CDH8: variants seen among roughly 807,000 people sequenced by gnomAD.
CDH8 encodes cadherin 8, also known as cadherin-8.
CDH8 carries 17 observed loss-of-function variants against 68.1 expected under a neutral mutation model. The ratio of observed to expected loss-of-function variants is 0.25; its 90% CI spans 0.17 to 0.37. The LOEUF (loss-of-function observed/expected upper bound fraction) is 0.37, where lower values mean the gene tolerates loss of function less well. CDH8 is among the 10% of genes least tolerant of loss of function. The pLI is 1.00. For missense variants in CDH8, 763 were observed against 999.3 expected, an observed-to-expected ratio of 0.76 and a Z score of 3.19; for synonymous variants, 372 against 365.1, an observed-to-expected ratio of 1.02 and a Z score of -0.21.
At chr16:61,897,064 C>A (rs940822134) in intron 3 of CDH8, among the ~76,000 whole-genome samples, 4 of 147,702 alleles carry the variant, frequency 2.7e-5, no homozygotes, top group Admixed American at 2.0e-4. Flanking sequence ...ACATATATAT[C>A]TTTATTATAT....
At chr16:61,877,305 T>TAA (rs112231131) in intron 3 of CDH8, among the ~76,000 whole-genome samples, 56 of 148,594 alleles carry the variant, frequency 3.8e-4, no homozygotes, top group African/African-American at 1.2e-3. Context: ...TGGAATTATT[T>TAA]AAAAAAAAAA....
At chr16:62,034,465 C>A (rs1205236335) in intron 1 of CDH8, among the ~76,000 whole-genome samples, 1 of 152,038 alleles carries the variant, frequency 6.6e-6, no homozygotes, top group East Asian at 1.9e-4. Context: ...GGTTTTTAAC[C>A]ATTGAGATGG....
chr16:61,813,712 C>G (rs1304517914), intron 7 of CDH8, among the ~76,000 whole-genome samples: 1 of 151,970 alleles, frequency 6.6e-6, no homozygotes, highest in Non-Finnish European at 1.5e-5. Context: ...AAATCCTGTC[C>G]TACTCACCTT....
At chr16:61,663,880 A>ATGTG (rs1567409558) in intron 10 of CDH8, among the ~76,000 whole-genome samples, 1 of 152,020 alleles carries the variant, frequency 6.6e-6, no homozygotes, top group Non-Finnish European at 1.5e-5. Context: ...ATGTGTGTGT[A>ATGTG]TGTGTGTCTT....
intron 2 of CDH8, among the ~76,000 whole-genome samples, chr16:61,953,926 T>TATATATATATATAA (rs1366207636): frequency 3.4e-5 from 4 of 118,978 alleles, no homozygotes; most frequent in African/African-American, 1.3e-4. Flanking sequence ...TATATATATA[T>TATATATATATATAA]AAAATACCTT....
intron 2 of CDH8, among the ~76,000 whole-genome samples, chr16:62,004,705 G>C (rs1253462096): frequency 6.6e-6 from 1 of 152,092 alleles, no homozygotes; most frequent in Non-Finnish European, 1.5e-5. Context: ...AGCATGGCTT[G>C]GGTAAAACAA....
intron 3 of CDH8, among the ~76,000 whole-genome samples, chr16:61,867,412 GAT>G (rs1195296810): frequency 6.6e-6 from 1 of 152,132 alleles, no homozygotes; most frequent in East Asian, 1.9e-4. Context: ...GCTACTAAAT[GAT>G]GTGATCAAAT....
intron 4 of CDH8, among the ~76,000 whole-genome samples, chr16:61,856,051 C>T (rs535069313): frequency 3.3e-5 from 5 of 152,054 alleles, no homozygotes; most frequent in South Asian, 2.1e-4. Flanking sequence ...CAGTATTAAA[C>T]GTATTAAGAT....
At chr16:61,976,432 C>A (rs1389934856) in intron 2 of CDH8, among the ~76,000 whole-genome samples, 1 of 152,144 alleles carries the variant, frequency 6.6e-6, no homozygotes, top group Admixed American at 6.5e-5. Flanking sequence ...CTTCTGATAT[C>A]TTGGCAAGCC....
intron 10 of CDH8, among the ~76,000 whole-genome samples, chr16:61,658,155 T>C (rs1963487579): frequency 1.3e-5 from 2 of 152,054 alleles, no homozygotes; most frequent in Non-Finnish European, 2.9e-5. Context: ...GTTCTTTCAT[T>C]AGGCTGAATG....
intron 10 of CDH8, among the ~76,000 whole-genome samples, chr16:61,689,043 G>A (rs1964164793): frequency 1.3e-5 from 2 of 151,948 alleles, no homozygotes; most frequent in Admixed American, 6.6e-5. Context: ...ACAGCCTAAA[G>A]TATAGAACCC....
chr16:61,820,575 A>C (rs1214688474), intron 6 of CDH8, among the ~76,000 whole-genome samples: 4 of 151,862 alleles, frequency 2.6e-5, no homozygotes, highest in Admixed American at 2.0e-4. Context: ...ACTGTCCACC[A>C]ATTTTTCTCC....
intron 2 of CDH8, among the ~76,000 whole-genome samples, chr16:61,960,575 C>T (rs1237267620): frequency 6.6e-6 from 1 of 152,112 alleles, no homozygotes; most frequent in Non-Finnish European, 1.5e-5. Context: ...AGCCCATAAG[C>T]TGGTGCCCAA....
intron 3 of CDH8, among the ~76,000 whole-genome samples, chr16:61,868,426 T>G (rs1963295387): frequency 6.6e-6 from 1 of 152,178 alleles, no homozygotes; most frequent in African/African-American, 2.4e-5. Flanking sequence ...ATGTCTACTG[T>G]TTTGTCTTCT....
intron 2 of CDH8, among the ~76,000 whole-genome samples, chr16:62,004,492 A>G (rs561483684): frequency 4.6e-5 from 7 of 152,340 alleles, no homozygotes; most frequent in East Asian, 1.9e-4. Context: ...TCTTCATTTC[A>G]GGCAATAAAG....
intron 10 of CDH8, among the ~76,000 whole-genome samples, chr16:61,667,910 T>TAAA (rs1465538867): frequency 1.3e-5 from 2 of 152,052 alleles, no homozygotes; most frequent in Non-Finnish European, 2.9e-5. Flanking sequence ...GTGTATTTTC[T>TAAA]ACACTCTGCC....
Position 61,653,016 on chromosome 16 carries a change from G to A in CDH8, c.*592C>T. 1.4e-6 allele frequency: 2 copies of A among 1,441,442 alleles called. No homozygotes were observed. The highest frequency in any genetic ancestry group is 1.8e-4 in the Middle Eastern group (1 of 5,560). 89.3% of individuals were successfully genotyped at this position (1,441,442 alleles called of 1,614,324 possible). On this transcript the variant is annotated 3_prime_UTR_variant, in exon 12 of 12. Coordinates refer to ENST00000577390, the MANE Select transcript of CDH8 (RefSeq NM_001796.5). Reference sequence around the variant, plus strand: ...TTTAAGGCTCGACACAATATTTAAAGATGCTATTCAGTCTCTAGTGAGTGG... The same window carrying A: ...TTTAAGGCTCGACACAATATTTAAAAATGCTATTCAGTCTCTAGTGAGTGG...
At chr16:61,874,335 G>A (rs555191691) in intron 3 of CDH8, among the ~76,000 whole-genome samples, 33 of 151,694 alleles carry the variant, frequency 2.2e-4, no homozygotes, top group African/African-American at 4.3e-4. Context: ...TCTTTTTTTC[G>A]TTTTTTTGTT....
At chr16:61,875,703 G>A (rs1004843213) in intron 3 of CDH8, among the ~76,000 whole-genome samples, 4 of 152,094 alleles carry the variant, frequency 2.6e-5, no homozygotes, top group African/African-American at 9.7e-5. Context: ...TACTATGTCA[G>A]GTGTACATCC....
Sources: allele counts gnomAD v4.1 joint callset (sites outside exome capture counted in the v4.1 genomes callset), GRCh38; gene constraint gnomAD v4.1.1; transcripts MANE v1.5; gene names NCBI Gene and HGNC (gene_info 2026-07-23, HGNC 2026-07-21).